LIFR: variants seen among roughly 807,000 people sequenced by gnomAD.
LIFR encodes LIF receptor subunit alpha, also known as leukemia inhibitory factor receptor.
LIFR carries 84 observed loss-of-function variants against 122.2 expected under a neutral mutation model. The observed-to-expected ratio is 0.69, with a 90% CI of 0.58 to 0.82. LIFR has a LOEUF of 0.82. LIFR is among the 40% of genes least tolerant of loss of function. The pLI is 0.00. For synonymous variants in LIFR, 422 were observed against 434.7 expected, an observed-to-expected ratio of 0.97 and a Z score of 0.36; for missense variants, 1,294 against 1,311.6, an observed-to-expected ratio of 0.99 and a Z score of 0.21.
chr5:38,535,178 G>A (rs1047046992), intron 1 of LIFR, among the ~76,000 whole-genome samples: 2 of 152,092 alleles, frequency 1.3e-5, no homozygotes, highest in African/African-American at 2.4e-5. Context: ...CTGTGTGTCC[G>A]GGCCACACTA....
chr5:38,587,812 C>T (rs999632284), intron 1 of LIFR, among the ~76,000 whole-genome samples: 5 of 152,216 alleles, frequency 3.3e-5, no homozygotes, highest in African/African-American at 1.2e-4. Context: ...TCTAGTTTTA[C>T]CAGCTTCATT....
intron 4 of LIFR, among the ~76,000 whole-genome samples, chr5:38,525,374 T>G (rs1192021920): frequency 3.3e-5 from 5 of 152,198 alleles, no homozygotes; most frequent in Non-Finnish European, 7.3e-5. Flanking sequence ...CAAGGACCAA[T>G]TACATATAGT....
chr5:38,474,784 AC>A lies in LIFR; in HGVS notation c.*6810del, dbSNP rs1743652664. 6.6e-6 allele frequency among the ~76,000 whole-genome samples: 1 copy of A among 152,184 alleles called. No homozygotes were observed. ...ATGACTTAATGGACAGATGGATGTTACACCAATGGCACAGCAATGTACTCAA... is the reference window on the plus strand; with the variant it reads ...ATGACTTAATGGACAGATGGATGTTAACCAATGGCACAGCAATGTACTCAA... On this transcript the variant is annotated 3_prime_UTR_variant, in exon 20 of 20. Coordinates refer to ENST00000453190, the MANE Select transcript of LIFR (RefSeq NM_001127671.2).
intron 1 of LIFR, among the ~76,000 whole-genome samples, chr5:38,575,187 C>T (rs974200448): frequency 2.6e-5 from 4 of 152,114 alleles, no homozygotes; most frequent in African/African-American, 9.7e-5. Context: ...CAAGAACATT[C>T]TATTTGATTC....
At chr5:38,547,585 T>C (rs1310083584) in intron 1 of LIFR, among the ~76,000 whole-genome samples, 1 of 152,130 alleles carries the variant, frequency 6.6e-6, no homozygotes, top group Non-Finnish European at 1.5e-5. Context: ...CTACATGTTA[T>C]CAAAATATTT....
At chr5:38,530,868 C>G in intron 1 of LIFR, 2 of 517,178 alleles carry the variant, frequency 3.9e-6, no homozygotes, top group Non-Finnish European at 3.4e-6. Context: ...GTATCTACTA[C>G]GAGGCCAATT....
At chr5:38,489,003 A>G in intron 16 of LIFR, 75 bp downstream of exon 16, 1 of 1,250,190 alleles carries the variant, frequency 8.0e-7, no homozygotes, top group Non-Finnish European at 1.2e-6. Flanking sequence ...ACTGAGCAGG[A>G]CTTTCCTTTT....
intron 1 of LIFR, among the ~76,000 whole-genome samples, chr5:38,575,790 C>A (rs1749366463): frequency 6.6e-6 from 1 of 152,186 alleles, no homozygotes; most frequent in Non-Finnish European, 1.5e-5. Context: ...ATAGGCTCAT[C>A]CCTGCTCTGG....
intron 4 of LIFR, among the ~76,000 whole-genome samples, chr5:38,525,586 C>G (rs1442548866): frequency 6.6e-6 from 1 of 152,162 alleles, no homozygotes; most frequent in Non-Finnish European, 1.5e-5. Flanking sequence ...GGACACAGAA[C>G]ATGTGGATTT....
At chr5:38,604,274 G>A (rs1350681915) in intron 2 of LIFR, among the ~76,000 whole-genome samples, 1 of 152,174 alleles carries the variant, frequency 6.6e-6, no homozygotes, top group Non-Finnish European at 1.5e-5. Context: ...CAGACCTGTG[G>A]AGAGGAGAAA....
In LIFR at chr5:38,602,097, A is replaced by T. The variant is rs79997582; in HGVS notation, n.305+4108T>A. ...CGGCTCTTTATCATTTTTCACCTGGATATTCCAGTCGTTTATCAACCAGTC... is the reference window on the plus strand; with the variant it reads ...CGGCTCTTTATCATTTTTCACCTGGTTATTCCAGTCGTTTATCAACCAGTC... On this transcript the variant is annotated intron_variant and non_coding_transcript_variant, in intron 2 of 3. Coordinates refer to the LIFR transcript ENST00000507786. Among the ~76,000 whole-genome samples the T allele has an allele frequency of 3.0e-3, 449 of 152,194 alleles. 2 individuals are homozygous for T. The highest frequency in any genetic ancestry group is 0.01 in the African/African-American group (416 of 41,506).
intron 14 of LIFR, among the ~76,000 whole-genome samples, chr5:38,491,840 T>C (rs1353795287): frequency 6.6e-6 from 1 of 152,250 alleles, no homozygotes; most frequent in Non-Finnish European, 1.5e-5. Flanking sequence ...TTTTGTAACA[T>C]TTTTCTTTGG....
chr5:38,547,579 A>G (rs1747965461), intron 1 of LIFR, among the ~76,000 whole-genome samples: 1 of 148,266 alleles, frequency 6.7e-6, no homozygotes, highest in Admixed American at 6.6e-5. Context: ...GAGGGTCTAC[A>G]TGTTATCAAA....
intron 1 of LIFR, among the ~76,000 whole-genome samples, chr5:38,568,776 G>A (rs139092765): frequency 1.2e-3 from 189 of 152,306 alleles, no homozygotes; most frequent in African/African-American, 4.0e-3. Context: ...CAGGTTGAGC[G>A]TCCCAGGATA....
At chr5:38,607,224 A>C (rs924899478) in intron 1 of LIFR, among the ~76,000 whole-genome samples, 6 of 152,154 alleles carry the variant, frequency 3.9e-5, no homozygotes, top group African/African-American at 1.4e-4. Context: ...GTTTTGGTTG[A>C]AAGTCTACTG....
At chr5:38,579,361 G>T (rs1466035822) in intron 1 of LIFR, 1 of 152,084 alleles carries the variant, frequency 6.6e-6, no homozygotes, top group Non-Finnish European at 1.5e-5. Context: ...ACAGAAAAGG[G>T]ATACCACAGG....
intron 1 of LIFR, among the ~76,000 whole-genome samples, chr5:38,581,987 C>T (rs561899503): frequency 1.2e-4 from 18 of 152,230 alleles, no homozygotes; most frequent in South Asian, 4.2e-4. Context: ...CTCACTTCTC[C>T]GCATTCTTGC....
At chr5:38,486,103 C>T (rs1276051721) in intron 16 of LIFR, 123 bp from the exon 17 acceptor site, 3 of 834,292 alleles carry the variant, frequency 3.6e-6, no homozygotes, top group Non-Finnish European at 6.0e-6. Flanking sequence ...CAGCCAAGGA[C>T]TCTGGAGCTG....
At chr5:38,553,536 C>A (rs532745560) in intron 1 of LIFR, among the ~76,000 whole-genome samples, 30 of 148,096 alleles carry the variant, frequency 2.0e-4, no homozygotes, top group African/African-American at 7.4e-4. Context: ...AAAATACAGA[C>A]AACGTTAGCA....
Sources: gnomAD v4.1 joint callset for allele counts (sites outside exome capture counted in the v4.1 genomes callset) on GRCh38, gnomAD v4.1.1 for gene constraint, MANE v1.5 for transcripts, NCBI Gene and HGNC (gene_info 2026-07-23, HGNC 2026-07-21) for gene names.